Variants in SOAT1 observed in about 807,000 individuals in gnomAD.
SOAT1 encodes the protein acyl-coenzyme A:cholesterol acyltransferase 1.
Under a neutral mutation model 69.5 loss-of-function variants are expected in SOAT1, and 55 were observed. The ratio of observed to expected loss-of-function variants is 0.79; its 90% CI spans 0.64 to 0.99. SOAT1 has a LOEUF of 0.99. Among genes scored for constraint, SOAT1 ranks in the 50% least tolerant of loss-of-function variants. The pLI, the probability that SOAT1 is intolerant of heterozygous loss-of-function variation, is 0.00. For missense variants in SOAT1, 580 were observed against 669.3 expected (o/e 0.87, Z 1.47); for synonymous variants, 231 against 224.7 (o/e 1.03, Z -0.25).
At chr1:179,328,916 G>A (rs957529365) in intron 3 of SOAT1, among the ~76,000 whole-genome samples, 11 of 151,674 alleles carry the variant, frequency 7.3e-5, no homozygotes, top group South Asian at 4.2e-4. Flanking sequence ...ATGATTGTGC[G>A]TGCCCGAGTA....
At chr1:179,336,894 C>T (rs1666176891) in intron 4 of SOAT1, among the ~76,000 whole-genome samples, 1 of 151,804 alleles carries the variant, frequency 6.6e-6, no homozygotes, top group African/African-American at 2.4e-5. Flanking sequence ...ACTCGGGAGG[C>T]TGAGGCAGGA....
intron 1 of SOAT1, among the ~76,000 whole-genome samples, chr1:179,301,179 C>T (rs12031894): frequency 0.21 from 31,706 of 152,108 alleles, 4,146 homozygotes; most frequent in East Asian, 0.33. Flanking sequence ...GTCATCCTCC[C>T]GCCTGAGCCT....
At chr1:179,341,422 A>G (rs1186331699) in intron 7 of SOAT1, 112 bp downstream of exon 7, 5 of 1,111,780 alleles carry the variant, frequency 4.5e-6, no homozygotes, top group South Asian at 3.2e-5. Flanking sequence ...ATAAATTTTC[A>G]TATATTGTTC....
intron 2 of SOAT1, among the ~76,000 whole-genome samples, chr1:179,313,593 TA>T (rs977471093): frequency 5.9e-5 from 9 of 151,568 alleles, no homozygotes; most frequent in East Asian, 1.9e-4. Flanking sequence ...TGTATATATA[TA>T]TTTTTTTTAG....
At chr1:179,324,590 T>G (rs964117981) in intron 3 of SOAT1, among the ~76,000 whole-genome samples, 3 of 152,306 alleles carry the variant, frequency 2.0e-5, no homozygotes, top group Admixed American at 2.0e-4. Flanking sequence ...GTGTTAAACT[T>G]TATTTTTCCT....
chr1:179,302,576 G>C (rs915436205), intron 1 of SOAT1, 101 bp from the exon 2 acceptor site: 1 of 656,070 alleles, frequency 1.5e-6, no homozygotes, highest in African/African-American at 1.9e-5. Flanking sequence ...GGAACTGTGA[G>C]ACAGTTAAAC....
intron 2 of SOAT1, among the ~76,000 whole-genome samples, chr1:179,303,302 T>C (rs920254893): frequency 5.3e-5 from 8 of 152,188 alleles, no homozygotes; most frequent in African/African-American, 1.9e-4. Context: ...GGGAGTTTTA[T>C]TAGTTCTTGT....
At chr1:179,312,434 C>A (rs1298884095) in intron 2 of SOAT1, among the ~76,000 whole-genome samples, 1 of 152,194 alleles carries the variant, frequency 6.6e-6, no homozygotes, top group African/African-American at 2.4e-5. Context: ...GAAACTGTCT[C>A]TTTCCCTGTC....
chr1:179,349,236 A>G (rs926127963), intron 13 of SOAT1, among the ~76,000 whole-genome samples: 1 of 152,126 alleles, frequency 6.6e-6, no homozygotes, highest in Admixed American at 6.6e-5. Flanking sequence ...ATGATCCACC[A>G]ATAATGGATA....
intron 15 of SOAT1, among the ~76,000 whole-genome samples, chr1:179,351,720 A>ATTTTTTTTTTTTTTTTT (rs1558061106): frequency 2.3e-5 from 1 of 43,486 alleles, no homozygotes; most frequent in African/African-American, 9.5e-5. Context: ...AGCCCCTTCT[A>ATTTTTTTTTTTTTTTTT]ATTTTTTTTT....
In SOAT1 at chr1:179,344,929, G is replaced by T. The variant is rs1380058170; in HGVS notation, c.988-18G>T. On this transcript the variant is annotated intron_variant, in intron 10 of 15. Coordinates refer to ENST00000367619, the MANE Select transcript of SOAT1 (RefSeq NM_003101.6). ...ATTAAGCCATCGTTATTATAATTCT[G>T]TCTCTGTTATGTTCCAGGTCTTTGG... 1.2e-6 allele frequency: 2 copies of T among 1,613,078 alleles called. No individual in the cohort carries two copies. The highest frequency in any genetic ancestry group is 2.7e-5 in the African/African-American group (2 of 74,822).
chr1:179,320,964 G>T lies in SOAT1; in HGVS notation c.119-2473G>T, dbSNP rs534066182. Among the ~76,000 whole-genome samples the T allele has an allele frequency of 2.0e-5, 3 of 151,266 alleles. No homozygotes were observed. In the East Asian group the frequency reaches 5.9e-4, roughly 30 times the overall value. ...TCTGTCTCCCAGGCTGGAATGCAGT[G>T]GCGCGATCTTGTCTTACTGCAACCT... On this transcript the variant is annotated intron_variant, in intron 2 of 15. Transcript: ENST00000367619.
chr1:179,343,945 A>AC (rs1666432061), intron 10 of SOAT1, among the ~76,000 whole-genome samples: 1 of 152,012 alleles, frequency 6.6e-6, no homozygotes, highest in African/African-American at 2.4e-5. Context: ...ACATGGTGAA[A>AC]CCCCATCTCT....
intron 7 of SOAT1, among the ~76,000 whole-genome samples, chr1:179,341,682 C>A (rs192465419): frequency 1.9e-4 from 29 of 152,128 alleles, no homozygotes; most frequent in African/African-American, 6.3e-4. Context: ...CTGCAGGCGC[C>A]TGCCACCACA....
At chr1:179,351,980 A>G (rs1444724189) in intron 15 of SOAT1, among the ~76,000 whole-genome samples, 1 of 151,638 alleles carries the variant, frequency 6.6e-6, no homozygotes, top group Admixed American at 6.6e-5. Flanking sequence ...GGCCTCCCAG[A>G]GTGCTGGAGC....
At chr1:179,319,243 G>T (rs1006956840) in intron 2 of SOAT1, among the ~76,000 whole-genome samples, 1 of 145,816 alleles carries the variant, frequency 6.9e-6, no homozygotes, top group African/African-American at 2.5e-5. Flanking sequence ...TTTTTTAAAA[G>T]AAATATCTGT....
chr1:179,311,041 A>G (rs1665203072), intron 2 of SOAT1, among the ~76,000 whole-genome samples: 2 of 152,030 alleles, frequency 1.3e-5, no homozygotes, highest in African/African-American at 2.4e-5. Context: ...AAGATGTTCA[A>G]TTTCTTTGAA....
At chr1:179,300,022 A>G (rs2124931515) in intron 1 of SOAT1, among the ~76,000 whole-genome samples, 1 of 151,348 alleles carries the variant, frequency 6.6e-6, no homozygotes, top group East Asian at 1.9e-4. Context: ...CAGCCTCCCA[A>G]AGTGCTGGGA....
intron 1 of SOAT1, among the ~76,000 whole-genome samples, chr1:179,296,980 G>A (rs907621548): frequency 6.6e-5 from 10 of 152,288 alleles, no homozygotes; most frequent in African/African-American, 2.4e-4. Flanking sequence ...TCAGTGTGTT[G>A]TATAAATAGC....
Sources: gnomAD v4.1 joint callset for allele counts (sites outside exome capture counted in the v4.1 genomes callset) on GRCh38, gnomAD v4.1.1 for gene constraint, MANE v1.5 for transcripts, NCBI Gene and HGNC (gene_info 2026-07-23, HGNC 2026-07-21) for gene names.